VAT1L: variants seen among roughly 807,000 people sequenced by gnomAD.
VAT1L encodes vesicle amine transport 1 like, also known as putative NADPH-dependent quinone oxidoreductase VAT1L.
A neutral mutation model predicts 44.1 loss-of-function variants in VAT1L; 34 were observed. The ratio of observed to expected loss-of-function variants is 0.77; its 90% CI spans 0.59 to 1.03. The LOEUF is 1.03. Among genes scored for constraint, VAT1L ranks in the 50% least tolerant of loss-of-function variants. The probability of loss-of-function intolerance (pLI) is 0.00; values close to 1 mark genes in which losing one functional copy is unlikely to be tolerated. For missense variants in VAT1L, 615 were observed against 538.8 expected (o/e 1.14, Z -1.40); for synonymous variants, 253 against 202.2 (o/e 1.25, Z -2.13).
intron 7 of VAT1L, among the ~76,000 whole-genome samples, chr16:77,915,186 G>A (rs1002193757): frequency 2.6e-5 from 4 of 152,104 alleles, no homozygotes; most frequent in East Asian, 1.9e-4. Context: ...TGATTGAATC[G>A]TAACCATAGA....
At chr16:77,824,080 G>GC (rs2016490898) in intron 2 of VAT1L, among the ~76,000 whole-genome samples, 1 of 152,190 alleles carries the variant, frequency 6.6e-6, no homozygotes, top group African/African-American at 2.4e-5. Context: ...CCATTCTCCA[G>GC]CCAGGCTGTA....
Position 77,788,754 on chromosome 16 carries a change from G to A in VAT1L, c.72G>A (p.Pro24=), listed in dbSNP as rs903873888. Residue 24 remains proline, a synonymous_variant, in exon 1 of 9, where the codon CCG becomes CCA. Transcript: ENST00000302536. ...QMIEKEAGKE[P]AEGGGGDGSH... ...TCGAGAAGGAGGCAGGCAAGGAGCC[G>A]GCGGAGGGCGGCGGCGGCGACGGCT... is the stretch of plus-strand genomic sequence containing the variant. 31 of 1,561,154 alleles carry A rather than the reference G, an allele frequency of 2.0e-5. No individual in the cohort carries two copies. Among genetic ancestry groups the A allele is most frequent in the Non-Finnish European group, 2.5e-5 (29 of 1,152,516 alleles).
rs2018364940 is a variant in VAT1L at position 77,978,474 on chromosome 16, A to G, written c.*779A>G. On this transcript the variant is annotated 3_prime_UTR_variant, in exon 9 of 9. Coordinates refer to ENST00000302536, the MANE Select transcript of VAT1L (RefSeq NM_020927.3). ...TTTCAATTTTAAGAAAGCACCACAT[A>G]CAAGACACATTCAGAAGTCATTCCT... 6.6e-6 allele frequency: 1 copy of G among 152,258 alleles called. No individual in the cohort carries two copies. The highest frequency in any genetic ancestry group is 2.4e-5 in the African/African-American group (1 of 41,474). 9.4% of individuals were successfully genotyped at this position (152,258 alleles called of 1,614,324 possible).
chr16:77,977,919 CT>C lies in VAT1L; in HGVS notation c.*225del, dbSNP rs1249617124. 8.1e-6 allele frequency: 4 copies of C among 495,416 alleles called. No homozygotes were observed. Among genetic ancestry groups the C allele is most frequent in the Non-Finnish European group, 1.1e-5 (3 of 271,512 alleles). 30.7% of individuals were successfully genotyped at this position (495,416 alleles called of 1,614,324 possible). A position where few individuals can be genotyped will look rare whatever the true frequency, so the allele number is the denominator to read the frequency against. On this transcript the variant is annotated 3_prime_UTR_variant, in exon 9 of 9. Coordinates refer to ENST00000302536, the MANE Select transcript of VAT1L (RefSeq NM_020927.3). ...TCCTATCTGTGTATTACACATTCCCCTCTCCCCTGTATCAAAACCATCCATC... is the reference window on the plus strand; with the variant it reads ...TCCTATCTGTGTATTACACATTCCCCCTCCCCTGTATCAAAACCATCCATC...
chr16:77,880,444 G>A (rs2017139314), intron 6 of VAT1L, among the ~76,000 whole-genome samples: 1 of 151,960 alleles, frequency 6.6e-6, no homozygotes, highest in Non-Finnish European at 1.5e-5. Flanking sequence ...ATAGGTGTGA[G>A]CCATCGTACT....
intron 7 of VAT1L, among the ~76,000 whole-genome samples, chr16:77,938,418 G>A (rs961582703): frequency 6.6e-6 from 1 of 152,178 alleles, no homozygotes; most frequent in African/African-American, 2.4e-5. Context: ...GTTTAAATAT[G>A]TGTCCTCATC....
chr16:77,948,933 G>A (rs2018006110), intron 7 of VAT1L, among the ~76,000 whole-genome samples: 1 of 152,150 alleles, frequency 6.6e-6, no homozygotes, highest in Middle Eastern at 3.2e-3. Context: ...CTCAGCTGGT[G>A]TGCTAAGGGG....
intron 3 of VAT1L, among the ~76,000 whole-genome samples, chr16:77,860,811 C>G (rs1330144838): frequency 6.6e-6 from 1 of 152,190 alleles, no homozygotes; most frequent in Non-Finnish European, 1.5e-5. Flanking sequence ...GTCTCAGGTT[C>G]ATGCCCATAT....
chr16:77,827,058 T>C (rs765915907), intron 3 of VAT1L, among the ~76,000 whole-genome samples: 1 of 152,218 alleles, frequency 6.6e-6, no homozygotes, highest in Non-Finnish European at 1.5e-5. Context: ...AAGGCAAAGA[T>C]AGGAAACTTT....
chr16:77,899,993 T>C (rs1446696496), intron 7 of VAT1L, among the ~76,000 whole-genome samples: 1 of 152,226 alleles, frequency 6.6e-6, no homozygotes, highest in African/African-American at 2.4e-5. Context: ...CTTCCCAAGC[T>C]ACACCGTATG....
chr16:77,807,407 A>AG (rs2016180672), intron 1 of VAT1L, among the ~76,000 whole-genome samples: 1 of 152,122 alleles, frequency 6.6e-6, no homozygotes, highest in Non-Finnish European at 1.5e-5. Context: ...TGGTTGATGC[A>AG]GGGGTGCAAA....
intron 3 of VAT1L, among the ~76,000 whole-genome samples, chr16:77,838,212 A>G (rs16946600): frequency 0.019 from 2,959 of 152,306 alleles, 41 homozygotes; most frequent in South Asian, 0.033. Flanking sequence ...CCGGGTTTAT[A>G]TGACTCTGGG....
At chr16:77,876,327 C>T in intron 4 of VAT1L, 43 bp from the exon 5 acceptor site, 1 of 1,541,032 alleles carries the variant, frequency 6.5e-7, no homozygotes, top group Non-Finnish European at 9.0e-7. Context: ...CAGTCTGGCT[C>T]CTGACAGGTC....
At chr16:77,928,430 G>A (rs1028648475) in intron 7 of VAT1L, among the ~76,000 whole-genome samples, 1 of 152,166 alleles carries the variant, frequency 6.6e-6, no homozygotes, top group Non-Finnish European at 1.5e-5. Context: ...GAGGGAGATG[G>A]TCACTCATCT....
At chr16:77,851,709 A>G (rs2016810360) in intron 3 of VAT1L, among the ~76,000 whole-genome samples, 1 of 152,110 alleles carries the variant, frequency 6.6e-6, no homozygotes, top group Non-Finnish European at 1.5e-5. Flanking sequence ...CCGAGCATCC[A>G]CTATGCTTGG....
chr16:77,933,728 C>G (rs1168873758), intron 7 of VAT1L, among the ~76,000 whole-genome samples: 1 of 152,144 alleles, frequency 6.6e-6, no homozygotes, highest in African/African-American at 2.4e-5. Flanking sequence ...TGCAAAGGCC[C>G]TGAGGTGACA....
intron 3 of VAT1L, among the ~76,000 whole-genome samples, chr16:77,830,839 A>G (rs1191603596): frequency 2.0e-5 from 3 of 152,090 alleles, no homozygotes; most frequent in African/African-American, 7.2e-5. Flanking sequence ...CCGAGCCACC[A>G]TGCCCAGCTA....
intron 1 of VAT1L, among the ~76,000 whole-genome samples, chr16:77,805,547 A>G (rs1295726997): frequency 6.6e-6 from 1 of 152,150 alleles, no homozygotes; most frequent in Admixed American, 6.5e-5. Flanking sequence ...CAAAGAGCAC[A>G]CCTTCCCTTA....
intron 7 of VAT1L, among the ~76,000 whole-genome samples, chr16:77,918,993 C>G (rs1420293755): frequency 1.3e-5 from 2 of 152,124 alleles, no homozygotes; most frequent in Admixed American, 1.3e-4. Context: ...CTTGTTTATT[C>G]AAGAGAGTCG....
Sources: allele counts gnomAD v4.1 joint callset (sites outside exome capture counted in the v4.1 genomes callset), GRCh38; gene constraint gnomAD v4.1.1; transcripts MANE v1.5; gene names NCBI Gene and HGNC (gene_info 2026-07-23, HGNC 2026-07-21).